Variants in LVRN observed in about 807,000 individuals in gnomAD.
LVRN encodes laeverin, also known as aminopeptidase Q.
A neutral mutation model predicts 111.4 loss-of-function variants in LVRN; 99 were observed. The observed-to-expected ratio is 0.89, with a 90% CI of 0.76 to 1.05. The LOEUF (loss-of-function observed/expected upper bound fraction) is 1.05, where lower values mean the gene tolerates loss of function less well. LVRN is among the 50% of genes least tolerant of loss of function. LVRN has a pLI of 0.00. For missense variants in LVRN, 1,414 were observed against 1,206.8 expected (o/e 1.17, Z -2.54); for synonymous variants, 488 against 449.5 (o/e 1.09, Z -1.08).
At chr5:115,981,534 C>A (rs1204971337) in intron 1 of LVRN, among the ~76,000 whole-genome samples, 1 of 152,140 alleles carries the variant, frequency 6.6e-6, no homozygotes, top group South Asian at 2.1e-4. Flanking sequence ...ATAATCACAT[C>A]ATGGAGAATG....
intron 2 of LVRN, among the ~76,000 whole-genome samples, 179 bp downstream of exon 2, chr5:115,983,608 C>T (rs1747770210): frequency 6.6e-6 from 1 of 152,108 alleles, no homozygotes; most frequent in African/African-American, 2.4e-5. Context: ...GATGGTAAAT[C>T]CTGATTCCTT....
At chr5:115,979,420 AG>A (rs1396170447) in intron 1 of LVRN, among the ~76,000 whole-genome samples, 1 of 152,032 alleles carries the variant, frequency 6.6e-6, no homozygotes, top group Non-Finnish European at 1.5e-5. Flanking sequence ...GAGCGTGGAA[AG>A]CTTGGCAAAG....
intron 6 of LVRN, among the ~76,000 whole-genome samples, chr5:115,996,437 A>T (rs1229962653): frequency 1.3e-5 from 2 of 152,160 alleles, no homozygotes; most frequent in African/African-American, 4.8e-5. Flanking sequence ...AGCTGAGTGA[A>T]AGCATCAGAT....
At chr5:116,008,342 T>TA (rs911528182) in intron 13 of LVRN, among the ~76,000 whole-genome samples, 1 of 151,936 alleles carries the variant, frequency 6.6e-6, no homozygotes, top group Non-Finnish European at 1.5e-5. Context: ...AGACTCCGTC[T>TA]AAAAAAATAA....
rs546858703 is a variant in LVRN at position 116,027,156 on chromosome 5, A to G, written c.*1038A>G. The G allele has an allele frequency of 4.6e-5, 7 of 152,342 alleles. No homozygotes were observed. The highest frequency in any genetic ancestry group is 3.3e-4 in the Admixed American group (5 of 15,294). The allele number at this position is 152,342 out of a possible 1,614,324, so 9.4% of individuals were successfully genotyped here. A position where few individuals can be genotyped will look rare whatever the true frequency, so the allele number is the denominator to read the frequency against. ...TGTATGGAATTAGCTTAGTTTTCTC[A>G]TGCTTGATTAAAACAAGACAACTAA... On this transcript the variant is annotated 3_prime_UTR_variant, in exon 20 of 20. Transcript: ENST00000357872.
chr5:115,963,390 C>T (rs777634648), intron 1 of LVRN, 78 bp downstream of exon 1: 86 of 1,236,368 alleles, frequency 7.0e-5, no homozygotes, highest in Non-Finnish European at 9.0e-5. Flanking sequence ...CAGCTGACTA[C>T]CGTGTCCAGG....
chr5:116,016,812 A>G (rs1198378373), intron 18 of LVRN, among the ~76,000 whole-genome samples: 2 of 152,192 alleles, frequency 1.3e-5, no homozygotes, highest in Non-Finnish European at 2.9e-5. Flanking sequence ...CAGAAGAAAG[A>G]CTGATGGGAG....
intron 1 of LVRN, among the ~76,000 whole-genome samples, chr5:115,977,177 C>T (rs1333228735): frequency 2.0e-5 from 3 of 152,170 alleles, no homozygotes; most frequent in African/African-American, 7.2e-5. Flanking sequence ...GAATCCTATA[C>T]AGATTTCTGG....
chr5:115,995,853 A>G (rs902942912), intron 6 of LVRN, among the ~76,000 whole-genome samples: 7 of 152,238 alleles, frequency 4.6e-5, no homozygotes, highest in Non-Finnish European at 1.0e-4. Context: ...GTGAGATTCA[A>G]TTCCAGGTCA....
chr5:116,015,191 TATG>T (rs1748573313), intron 16 of LVRN, 58 bp from the exon 17 acceptor site: 1 of 836,046 alleles, frequency 1.2e-6, no homozygotes, highest in Middle Eastern at 4.0e-4. Context: ...ACTTCTAAAA[TATG>T]ATAACCTGGG....
At chr5:116,011,246 A>T (rs1048800629) in intron 14 of LVRN, among the ~76,000 whole-genome samples, 5 of 150,622 alleles carry the variant, frequency 3.3e-5, no homozygotes, top group Non-Finnish European at 7.4e-5. Flanking sequence ...TTCCTAAGAG[A>T]TTGTTAGGCA....
chr5:115,973,594 C>T (rs866061464), intron 1 of LVRN, among the ~76,000 whole-genome samples: 1 of 152,264 alleles, frequency 6.6e-6, no homozygotes, highest in South Asian at 2.1e-4. Context: ...AGATACAGGG[C>T]TATTTAGGTT....
At chr5:115,983,494 C>T in intron 2 of LVRN, 65 bp downstream of exon 2, 1 of 1,489,198 alleles carries the variant, frequency 6.7e-7, no homozygotes, top group African/African-American at 1.4e-5. Context: ...CACATTTATA[C>T]CAGTAGCTTT....
chr5:115,967,124 G>C (rs1753220249), intron 1 of LVRN, among the ~76,000 whole-genome samples: 1 of 152,108 alleles, frequency 6.6e-6, no homozygotes, highest in South Asian at 2.1e-4. Context: ...GTCTTTCAGA[G>C]AATAAAAGTT....
At chr5:115,983,616 C>G (rs1009511557) in intron 2 of LVRN, among the ~76,000 whole-genome samples, 187 bp downstream of exon 2, 6 of 152,108 alleles carry the variant, frequency 3.9e-5, no homozygotes, top group Non-Finnish European at 8.8e-5. Flanking sequence ...ATCCTGATTC[C>G]TTTGGTATAA....
At chr5:115,975,261 A>G in intron 1 of LVRN, 1 of 422,716 alleles carries the variant, frequency 2.4e-6, no homozygotes, top group Non-Finnish European at 4.6e-6. Flanking sequence ...TGTCTGCTTT[A>G]TCTAAAACCA....
At chr5:115,970,385 T>C (rs1422049442) in intron 1 of LVRN, among the ~76,000 whole-genome samples, 15 of 66,244 alleles carry the variant, frequency 2.3e-4, no homozygotes, top group Non-Finnish European at 5.4e-4. Context: ...AAATACATTC[T>C]TTTTTTTTTT....
intron 18 of LVRN, among the ~76,000 whole-genome samples, chr5:116,017,341 G>A (rs1016010622): frequency 2.0e-5 from 3 of 152,184 alleles, no homozygotes; most frequent in Non-Finnish European, 1.5e-5. Context: ...CTCTTCATTG[G>A]TGATGTCTTG....
intron 12 of LVRN, among the ~76,000 whole-genome samples, chr5:116,003,905 A>G (rs902254856): frequency 1.3e-5 from 2 of 152,200 alleles, no homozygotes; most frequent in African/African-American, 4.8e-5. Context: ...TTGAACATTC[A>G]TTTTGCTTTT....
Sources: gnomAD v4.1 joint callset for allele counts (sites outside exome capture counted in the v4.1 genomes callset) on GRCh38, gnomAD v4.1.1 for gene constraint, MANE v1.5 for transcripts, NCBI Gene and HGNC (gene_info 2026-07-23, HGNC 2026-07-21) for gene names.